Variants in MOB3B observed in about 807,000 individuals in gnomAD.
The protein encoded by MOB3B is MOB kinase activator 3B.
A neutral mutation model predicts 18.7 loss-of-function variants in MOB3B; 7 were observed. That is an observed-to-expected ratio of 0.37 (90% CI 0.21 to 0.70). The LOEUF is 0.70. MOB3B is among the 30% of genes least tolerant of loss of function. MOB3B has a pLI of 0.52. For synonymous variants in MOB3B, 111 were observed against 99.9 expected (o/e 1.11, Z -0.66); for missense variants, 253 against 281.3 (o/e 0.90, Z 0.72).
chr9:27,525,074 A>T (rs1820414779), intron 1 of MOB3B: 7 of 898,104 alleles, frequency 7.8e-6, no homozygotes, highest in Non-Finnish European at 1.1e-5. Context: ...CCTCAGTTGG[A>T]CTGGTAGCCT....
At chr9:27,520,931 T>G (rs907735434) in intron 1 of MOB3B, among the ~76,000 whole-genome samples, 1 of 152,160 alleles carries the variant, frequency 6.6e-6, no homozygotes, top group Non-Finnish European at 1.5e-5. Flanking sequence ...ATTGCATGAG[T>G]GTTCTATATT....
chr9:27,368,339 TACACACACATACATACAC>T (rs1821366924), intron 2 of MOB3B, among the ~76,000 whole-genome samples: 2 of 132,590 alleles, frequency 1.5e-5, no homozygotes, highest in South Asian at 2.6e-4. Context: ...TACATATATA[TACACACACATACATACAC>T]ACACACACAC....
chr9:27,510,751 A>C (rs1820130144), intron 1 of MOB3B, among the ~76,000 whole-genome samples: 1 of 152,208 alleles, frequency 6.6e-6, no homozygotes, highest in Non-Finnish European at 1.5e-5. Context: ...ACTGAAAATC[A>C]GTCCATCCTC....
intron 1 of MOB3B, chr9:27,524,969 T>G: frequency 1.3e-6 from 2 of 1,554,826 alleles, no homozygotes; most frequent in Non-Finnish European, 1.7e-6. Context: ...AAGGTATATT[T>G]TTGGAATTAA....
intron 1 of MOB3B, among the ~76,000 whole-genome samples, chr9:27,468,780 T>C (rs919251544): frequency 1.3e-5 from 2 of 152,192 alleles, no homozygotes; most frequent in African/African-American, 4.8e-5. Flanking sequence ...CTTTCTCCAG[T>C]TGAGAGGACT....
At chr9:27,512,875 A>G (rs1820167552) in intron 1 of MOB3B, among the ~76,000 whole-genome samples, 1 of 152,210 alleles carries the variant, frequency 6.6e-6, no homozygotes, top group South Asian at 2.1e-4. Flanking sequence ...TCTAAATATC[A>G]TAATGTATAG....
intron 2 of MOB3B, among the ~76,000 whole-genome samples, chr9:27,442,024 G>A (rs1312550837): frequency 6.6e-6 from 1 of 152,142 alleles, no homozygotes; most frequent in African/African-American, 2.4e-5. Context: ...AGAGATTTGT[G>A]AAGAGTAAAA....
chr9:27,409,488 G>A (rs766177345), intron 2 of MOB3B, among the ~76,000 whole-genome samples: 18 of 152,230 alleles, frequency 1.2e-4, no homozygotes, highest in Non-Finnish European at 1.8e-4. Context: ...TGGTAGAAAT[G>A]TATAATGGTG....
chr9:27,406,406 A>G (rs1821978583), intron 2 of MOB3B, among the ~76,000 whole-genome samples: 1 of 152,236 alleles, frequency 6.6e-6, no homozygotes, highest in Admixed American at 6.5e-5. Context: ...TGTATACAGA[A>G]CCACAAAACC....
intron 1 of MOB3B, among the ~76,000 whole-genome samples, chr9:27,520,909 T>A (rs992683519): frequency 1.4e-4 from 21 of 152,224 alleles, no homozygotes; most frequent in Admixed American, 1.4e-3. Flanking sequence ...TTTTAGTAGG[T>A]ATGTCCCAAA....
chr9:27,490,648 G>A (rs1368129016), intron 1 of MOB3B, among the ~76,000 whole-genome samples: 2 of 152,102 alleles, frequency 1.3e-5, no homozygotes, highest in African/African-American at 2.4e-5. Flanking sequence ...AGTAAGGAGT[G>A]GGAGAGGAGG....
At chr9:27,370,036 A>G (rs996270816) in intron 2 of MOB3B, among the ~76,000 whole-genome samples, 10 of 151,600 alleles carry the variant, frequency 6.6e-5, no homozygotes, top group Non-Finnish European at 1.0e-4. Flanking sequence ...AATGCATAGC[A>G]GAACACGGTG....
chr9:27,474,501 T>C (rs539200139), intron 1 of MOB3B, among the ~76,000 whole-genome samples: 1 of 152,302 alleles, frequency 6.6e-6, no homozygotes, highest in East Asian at 1.9e-4. Flanking sequence ...GTGAAGGCAA[T>C]GACATTTTTT....
intron 1 of MOB3B, chr9:27,524,864 G>T (rs769182233): frequency 6.2e-7 from 1 of 1,614,084 alleles, no homozygotes; most frequent in Non-Finnish European, 8.5e-7. Context: ...TGAAAGAAAA[G>T]AAATACAGTG....
intron 3 of MOB3B, among the ~76,000 whole-genome samples, chr9:27,353,256 T>A (rs1486399161): frequency 6.6e-6 from 1 of 152,218 alleles, no homozygotes; most frequent in East Asian, 1.9e-4. Context: ...ATGTACTGAA[T>A]CAGAACTTGC....
At position 27,385,837 on chromosome 9, in the gene MOB3B, T is replaced by C. The variant is rs563980485; in HGVS notation, c.419-26601A>G. 2.6e-5 allele frequency among the ~76,000 whole-genome samples: 4 copies of C among 152,360 alleles called. No homozygotes were observed. The South Asian group carries it at 8.3e-4, about 32-fold the overall frequency. On this transcript the variant is annotated intron_variant, in intron 2 of 3. Coordinates refer to ENST00000262244, the MANE Select transcript of MOB3B (RefSeq NM_024761.5). ...CACCTACTTGCTCCTTTTGACAGTT[T>C]GCTGTGGCAGCTGCTAGGACAAGCC...
In MOB3B at chr9:27,384,762, C is replaced by T. The variant is rs763475244; in HGVS notation, c.419-25526G>A. Among the ~76,000 whole-genome samples the T allele has an allele frequency of 2.6e-5, 4 of 152,332 alleles. No homozygotes were observed. The South Asian group carries it at 6.2e-4, about 24-fold the overall frequency. ...TCTGTCCCCCACACCTGCCAAATGC[C>T]TCTCTGCACAGTAGCCCAGCTGTTC... is the stretch of plus-strand genomic sequence containing the variant. On this transcript the variant is annotated intron_variant, in intron 2 of 3. Coordinates refer to ENST00000262244, the MANE Select transcript of MOB3B (RefSeq NM_024761.5).
chr9:27,426,910 A>AT (rs1202007356), intron 2 of MOB3B, among the ~76,000 whole-genome samples: 16 of 152,338 alleles, frequency 1.1e-4, no homozygotes, highest in African/African-American at 3.8e-4. Flanking sequence ...GGGTAATGGA[A>AT]TAGGCGGGAT....
At chr9:27,343,953 TACCAAG>T (rs1295031607) in intron 3 of MOB3B, among the ~76,000 whole-genome samples, 1 of 147,422 alleles carries the variant, frequency 6.8e-6, no homozygotes, top group East Asian at 2.0e-4. Flanking sequence ...AAGCCATAGG[TACCAAG>T]ATACAGAGTT....
Sources: allele counts gnomAD v4.1 joint callset (sites outside exome capture counted in the v4.1 genomes callset), GRCh38; gene constraint gnomAD v4.1.1; transcripts MANE v1.5; gene names NCBI Gene and HGNC (gene_info 2026-07-23, HGNC 2026-07-21).